The following FRMD4A variants were observed in gnomAD, a reference collection of about 807,000 sequenced individuals.
FRMD4A encodes the protein FERM domain containing 4A.
In FRMD4A, 29 loss-of-function variants were observed where a neutral mutation model predicts 129.1. The ratio of observed to expected loss-of-function variants is 0.22; its 90% CI spans 0.17 to 0.31. The LOEUF (loss-of-function observed/expected upper bound fraction) is 0.31. Ranked by LOEUF, FRMD4A falls within the 10% of genes least tolerant of loss-of-function variation. The pLI is 1.00. For synonymous variants in FRMD4A, 634 were observed against 571.6 expected, an observed-to-expected ratio of 1.11 and a Z score of -1.56; for missense variants, 1,272 against 1,375.8, an observed-to-expected ratio of 0.92 and a Z score of 1.19.
chr10:13,662,767 G>A (rs959183455), intron 19 of FRMD4A, among the ~76,000 whole-genome samples: 1 of 152,142 alleles, frequency 6.6e-6, no homozygotes, highest in Non-Finnish European at 1.5e-5. Context: ...CAGAGGGTGT[G>A]TTCCATTTCT....
chr10:14,287,312 G>T (rs1427078416), intron 2 of FRMD4A, among the ~76,000 whole-genome samples: 1 of 152,136 alleles, frequency 6.6e-6, no homozygotes, highest in Non-Finnish European at 1.5e-5. Flanking sequence ...TACATGTTCT[G>T]CACTAGCCTG....
chr10:13,656,123 AAT>A (rs2082120761), intron 22 of FRMD4A, among the ~76,000 whole-genome samples: 1 of 152,156 alleles, frequency 6.6e-6, no homozygotes, highest in Non-Finnish European at 1.5e-5. Flanking sequence ...AGCAGCCAGG[AAT>A]TCTGTCAAAC....
intron 3 of FRMD4A, among the ~76,000 whole-genome samples, chr10:13,858,208 C>G (rs545680053): frequency 1.3e-5 from 2 of 152,232 alleles, no homozygotes; most frequent in African/African-American, 4.8e-5. Context: ...CCGAGGCAGG[C>G]AGATCACCTG....
chr10:13,775,415 T>C (rs1427655129), intron 6 of FRMD4A, among the ~76,000 whole-genome samples: 1 of 152,122 alleles, frequency 6.6e-6, no homozygotes, highest in African/African-American at 2.4e-5. Flanking sequence ...CCTTTGGTAT[T>C]CTGAGAGAAA....
intron 2 of FRMD4A, among the ~76,000 whole-genome samples, chr10:14,172,956 G>A (rs1203517611): frequency 6.6e-6 from 1 of 152,180 alleles, no homozygotes; most frequent in African/African-American, 2.4e-5. Context: ...GCAAAGGATG[G>A]GGTGTCTTCC....
intron 3 of FRMD4A, among the ~76,000 whole-genome samples, chr10:13,823,907 C>T (rs560251533): frequency 1.3e-5 from 2 of 152,292 alleles, no homozygotes; most frequent in South Asian, 2.1e-4. Flanking sequence ...TGCTACTTTT[C>T]CAGTGTAACG....
chr10:14,090,808 G>A (rs1229496386), intron 2 of FRMD4A, among the ~76,000 whole-genome samples: 2 of 152,178 alleles, frequency 1.3e-5, no homozygotes, highest in African/African-American at 2.4e-5. Context: ...CACAAATGAA[G>A]TACCCAGACT....
At chr10:13,788,179 C>G (rs935522577) in intron 5 of FRMD4A, among the ~76,000 whole-genome samples, 2 of 152,108 alleles carry the variant, frequency 1.3e-5, no homozygotes, top group East Asian at 3.9e-4. Flanking sequence ...TTCCAGACCC[C>G]AAGACTTCCA....
At chr10:14,323,832 C>T (rs1017287184) in intron 2 of FRMD4A, among the ~76,000 whole-genome samples, 1 of 152,224 alleles carries the variant, frequency 6.6e-6, no homozygotes, top group Non-Finnish European at 1.5e-5. Flanking sequence ...CCAAAGACAG[C>T]TTGTAAGAGA....
chr10:14,330,762 C>A lies in FRMD4A; in HGVS notation c.-247G>T. The A allele has an allele frequency of 2.5e-6, 1 of 398,964 alleles. No individual in the cohort carries two copies. Among genetic ancestry groups the A allele is most frequent in the African/African-American group, 2.1e-5 (1 of 48,738 alleles). 24.7% of individuals were successfully genotyped at this position (398,964 alleles called of 1,614,324 possible). Reference sequence around the variant, plus strand: ...CCCCGAGGAGGAAGTCACTTAGGAACTGACCCTTCCACCTTCCCCAGATCT... The same window carrying A: ...CCCCGAGGAGGAAGTCACTTAGGAAATGACCCTTCCACCTTCCCCAGATCT... On this transcript the variant is annotated 5_prime_UTR_variant, in exon 1 of 25. Coordinates refer to ENST00000357447, the MANE Select transcript of FRMD4A (RefSeq NM_018027.5).
intron 6 of FRMD4A, among the ~76,000 whole-genome samples, chr10:13,768,814 T>G (rs1182496919): frequency 1.3e-5 from 2 of 152,098 alleles, no homozygotes; most frequent in Non-Finnish European, 2.9e-5. Context: ...TTCCAATTAT[T>G]TTACTGGGTT....
Position 13,651,959 on chromosome 10 carries a change from G to T in FRMD4A, c.3066C>A (p.Asn1022Lys). ...ACTCAGACCCATCCAGAATGGGTGA[G>T]TTTTCTGTTGCTTCTCTGAACAAAG... is the stretch of plus-strand genomic sequence containing the variant. ...LTWQTGEATE[N>K]SPILDGSESP... The change falls in exon 24 of 25, where the codon AAC becomes AAA. Residue 1022 changes from asparagine (N) to lysine (K), a missense_variant. Asn to Lys is a moderately conservative substitution (Grantham distance 94). This residue lies in a region of FRMD4A where 972 missense variants were observed against 892.3 expected (regional missense o/e 1.09). Transcript: ENST00000357447. The T allele has an allele frequency of 6.3e-7, 1 of 1,587,918 alleles. No individual in the cohort carries two copies. Among genetic ancestry groups the T allele is most frequent in the Non-Finnish European group, 8.6e-7 (1 of 1,156,190 alleles).
At chr10:14,219,039 A>C (rs73601234) in intron 2 of FRMD4A, among the ~76,000 whole-genome samples, 13,581 of 144,936 alleles carry the variant, frequency 0.094, 1,310 homozygotes, top group African/African-American at 0.24. Context: ...TAAGAAGGGG[A>C]TAAGAGGAGG....
At chr10:14,069,568 G>A (rs1187548509) in intron 2 of FRMD4A, among the ~76,000 whole-genome samples, 1 of 152,084 alleles carries the variant, frequency 6.6e-6, no homozygotes, top group Non-Finnish European at 1.5e-5. Flanking sequence ...AATACTGTAA[G>A]AACAATTTAA....
chr10:13,653,216 CAGAT>C (rs145283998), intron 23 of FRMD4A: 7,293 of 152,300 alleles, frequency 0.048, 488 homozygotes, highest in African/African-American at 0.14. Context: ...AAAATTACCA[CAGAT>C]AAACCTGCAG....
intron 2 of FRMD4A, among the ~76,000 whole-genome samples, chr10:14,086,791 C>T (rs1490699392): frequency 6.6e-6 from 1 of 152,106 alleles, no homozygotes; most frequent in African/African-American, 2.4e-5. Context: ...ACTGAGCGGA[C>T]TCATTCTTGG....
intron 16 of FRMD4A, among the ~76,000 whole-genome samples, chr10:13,673,074 G>A (rs1302077381): frequency 6.6e-6 from 1 of 152,044 alleles, no homozygotes; most frequent in Non-Finnish European, 1.5e-5. Flanking sequence ...TTTTTGAAAC[G>A]TGGATTCCCT....
At chr10:14,073,001 G>C (rs1376984998) in intron 2 of FRMD4A, among the ~76,000 whole-genome samples, 1 of 152,020 alleles carries the variant, frequency 6.6e-6, no homozygotes, top group Non-Finnish European at 1.5e-5. Context: ...AAAGGAAAGA[G>C]AGAAAGAGCC....
chr10:14,313,464 T>C lies in FRMD4A; in HGVS notation c.45+16594A>G, dbSNP rs185176780. 7.9e-5 allele frequency among the ~76,000 whole-genome samples: 12 copies of C among 152,376 alleles called. No individual in the cohort carries two copies. The East Asian group carries it at 1.9e-3, about 24-fold the overall frequency. On this transcript the variant is annotated intron_variant, in intron 2 of 24. Coordinates refer to ENST00000357447, the MANE Select transcript of FRMD4A (RefSeq NM_018027.5). ...GAACCAATATTGGAATGGTTAATTA[T>C]CTACGAAGAGTTTCAGAAACATCTT...
Sources: gnomAD v4.1 joint callset for allele counts (sites outside exome capture counted in the v4.1 genomes callset) on GRCh38, gnomAD v4.1.1 for gene constraint, gnomAD v4.1.1 regional missense constraint, MANE v1.5 for transcripts, NCBI Gene and HGNC (gene_info 2026-07-23, HGNC 2026-07-21) for gene names.